Variants in ZNF804B observed in about 807,000 individuals in gnomAD.
ZNF804B encodes zinc finger 804B.
ZNF804B carries 80 observed loss-of-function variants against 101.4 expected under a neutral mutation model. The observed-to-expected ratio is 0.79, with a 90% CI of 0.66 to 0.95. The LOEUF is 0.95. ZNF804B is among the 40% of genes least tolerant of loss of function. The pLI, the probability that ZNF804B is intolerant of heterozygous loss-of-function variation, is 0.00. For missense variants in ZNF804B, 1,673 were observed against 1,561.9 expected, an observed-to-expected ratio of 1.07 and a Z score of -1.20; for synonymous variants, 622 against 558.8, an observed-to-expected ratio of 1.11 and a Z score of -1.59.
intron 1 of ZNF804B, among the ~76,000 whole-genome samples, chr7:88,822,161 G>A (rs866050074): frequency 1.3e-5 from 2 of 152,002 alleles, no homozygotes; most frequent in African/African-American, 4.8e-5. Context: ...AGTTCTTAAG[G>A]CAATGCAACT....
At chr7:89,071,302 A>G (rs1055010119) in intron 1 of ZNF804B, among the ~76,000 whole-genome samples, 5 of 152,148 alleles carry the variant, frequency 3.3e-5, no homozygotes, top group African/African-American at 4.8e-5. Flanking sequence ...AAATTTCAGT[A>G]CCTAAATAAT....
chr7:89,332,708 T>C (rs1229883821), intron 3 of ZNF804B, among the ~76,000 whole-genome samples: 1 of 151,852 alleles, frequency 6.6e-6, no homozygotes, highest in East Asian at 1.9e-4. Context: ...GCAGAAATGG[T>C]AGAAAAAATA....
At chr7:89,171,999 T>G (rs529393489) in intron 1 of ZNF804B, among the ~76,000 whole-genome samples, 1 of 146,120 alleles carries the variant, frequency 6.8e-6, no homozygotes, top group Non-Finnish European at 1.5e-5. Context: ...AGAAATTGAC[T>G]TGTTGTATAA....
At chr7:89,306,596 T>C (rs1007140824) in intron 2 of ZNF804B, among the ~76,000 whole-genome samples, 2 of 152,042 alleles carry the variant, frequency 1.3e-5, no homozygotes, top group Non-Finnish European at 2.9e-5. Context: ...AGCACTGAGT[T>C]TGATGAATTC....
In ZNF804B at chr7:88,938,468, AT is replaced by A. The variant is rs566193931; in HGVS notation, c.108+178385del. On this transcript the variant is annotated intron_variant, in intron 1 of 3. Transcript: ENST00000333190. ...GCAAATAAACATGTTTTGGGGTAAA[AT>A]ATTTTTATTTTCTTCCTTGTCTGGT... 2.0e-5 allele frequency among the ~76,000 whole-genome samples: 3 copies of A among 152,094 alleles called. No individual in the cohort carries two copies. In the East Asian group the frequency reaches 5.8e-4, roughly 30 times the overall value.
At chr7:88,897,705 C>G (rs1792311526) in intron 1 of ZNF804B, among the ~76,000 whole-genome samples, 1 of 152,098 alleles carries the variant, frequency 6.6e-6, no homozygotes, top group African/African-American at 2.4e-5. Flanking sequence ...AGTGGCAAAG[C>G]TGAGATTTAA....
At chr7:88,880,923 G>T (rs959787238) in intron 1 of ZNF804B, among the ~76,000 whole-genome samples, 1 of 151,872 alleles carries the variant, frequency 6.6e-6, no homozygotes, top group Non-Finnish European at 1.5e-5. Flanking sequence ...AAACGTTAAG[G>T]CATTTAGTGA....
rs561473513 is a variant in ZNF804B, at chr7:89,161,095, A to G, written c.109-57060A>G. Among the ~76,000 whole-genome samples, 24 of 152,152 alleles carry G rather than the reference A, an allele frequency of 1.6e-4. No homozygotes were observed. In the South Asian group the frequency reaches 4.8e-3, roughly 30 times the overall value. Reference sequence around the variant, plus strand: ...CCTTGTGGTTAGGATTCTCTTCACCAAGAGAAGAAGGGCTAGAGATCTCTA... The same window carrying G: ...CCTTGTGGTTAGGATTCTCTTCACCGAGAGAAGAAGGGCTAGAGATCTCTA... On this transcript the variant is annotated intron_variant, in intron 1 of 3. Transcript: ENST00000333190.
intron 1 of ZNF804B, among the ~76,000 whole-genome samples, chr7:89,056,184 A>C (rs1406523721): frequency 6.6e-6 from 1 of 152,040 alleles, no homozygotes; most frequent in African/African-American, 2.4e-5. Flanking sequence ...AGGGATGGAT[A>C]AGTGGGTTTG....
At chr7:89,237,813 A>G (rs962866282) in intron 2 of ZNF804B, among the ~76,000 whole-genome samples, 15 of 152,202 alleles carry the variant, frequency 9.9e-5, no homozygotes, top group African/African-American at 3.6e-4. Context: ...TTACACACCA[A>G]AGATCTGTCA....
At chr7:89,127,614 G>A (rs1470562939) in intron 1 of ZNF804B, among the ~76,000 whole-genome samples, 2 of 151,766 alleles carry the variant, frequency 1.3e-5, no homozygotes, top group African/African-American at 4.8e-5. Flanking sequence ...AAAGAAAAAT[G>A]TAAGCGCAGA....
At chr7:89,012,222 C>T (rs1788476516) in intron 1 of ZNF804B, among the ~76,000 whole-genome samples, 1 of 152,086 alleles carries the variant, frequency 6.6e-6, no homozygotes, top group Non-Finnish European at 1.5e-5. Context: ...GCTGAAAGGC[C>T]CTGGGCCCTG....
intron 1 of ZNF804B, among the ~76,000 whole-genome samples, chr7:88,861,659 A>G (rs544184282): frequency 6.6e-6 from 1 of 152,176 alleles, no homozygotes; most frequent in Non-Finnish European, 1.5e-5. Context: ...CACTGTAATA[A>G]CATATCTTCT....
chr7:89,211,458 C>T (rs1048828290), intron 1 of ZNF804B, among the ~76,000 whole-genome samples: 3 of 152,148 alleles, frequency 2.0e-5, no homozygotes, highest in Admixed American at 2.0e-4. Flanking sequence ...GTCTTGAATG[C>T]TATTGCCTAG....
chr7:88,860,443 G>GC (rs1562814914), intron 1 of ZNF804B, among the ~76,000 whole-genome samples: 1 of 151,994 alleles, frequency 6.6e-6, no homozygotes, highest in Non-Finnish European at 1.5e-5. Flanking sequence ...TTTTATGTAT[G>GC]CCCTGGTGGG....
chr7:89,037,393 C>A (rs1354468076), intron 1 of ZNF804B, among the ~76,000 whole-genome samples: 3 of 151,838 alleles, frequency 2.0e-5, no homozygotes, highest in Non-Finnish European at 4.4e-5. Flanking sequence ...GTAATCAAAC[C>A]AAATCAATTT....
Position 89,327,355 on chromosome 7 carries a change from A to C in ZNF804B, c.261A>C (p.Glu87Asp), listed in dbSNP as rs1232524831. The C allele has an allele frequency of 9.3e-6, 15 of 1,604,412 alleles. No individual in the cohort carries two copies. The highest frequency in any genetic ancestry group is 1.1e-5 in the Non-Finnish European group (13 of 1,176,682). Residue 87 changes from glutamate to aspartate, a missense_variant, in exon 3 of 4, where the codon GAA becomes GAC. Physicochemically the swap from Glu to Asp is conservative, Grantham distance 45. Transcript: ENST00000333190. Reference protein sequence around the residue: ...YDHAHKQRLKELKQREFARNV... With the variant: ...YDHAHKQRLKDLKQREFARNV... Reference sequence around the variant, plus strand: ...TCTTCTTTTTCAAGAGACTGAAAGAATTAAAGCAACGGGAATTTGCTCGAA... The same window carrying C: ...TCTTCTTTTTCAAGAGACTGAAAGACTTAAAGCAACGGGAATTTGCTCGAA...
At position 89,169,613 on chromosome 7, in the gene ZNF804B, A is replaced by G. The variant is rs979294510; in HGVS notation, c.109-48542A>G. 7.9e-5 allele frequency among the ~76,000 whole-genome samples: 12 copies of G among 152,162 alleles called. 1 individual carries two copies. Among genetic ancestry groups the G allele is most frequent in the Admixed American group, 6.5e-4 (10 of 15,270 alleles). On this transcript the variant is annotated intron_variant, in intron 1 of 3. Transcript: ENST00000333190. ...TTTCTAGATTTATACTATTTCTTCA[A>G]TAGTCTAAGGTCATTGTTCTCATAC...
chr7:89,040,836 G>T (rs868842207), intron 1 of ZNF804B, among the ~76,000 whole-genome samples: 35 of 152,302 alleles, frequency 2.3e-4, no homozygotes, highest in African/African-American at 8.2e-4. Flanking sequence ...GTGTGTGCCA[G>T]CCTGGTGTTG....
Sources: allele counts gnomAD v4.1 joint callset (sites outside exome capture counted in the v4.1 genomes callset), GRCh38; gene constraint gnomAD v4.1.1; transcripts MANE v1.5; gene names NCBI Gene and HGNC (gene_info 2026-07-23, HGNC 2026-07-21).